The following ANK3 variants were observed in gnomAD, a reference collection of about 807,000 sequenced individuals.
ANK3 encodes ankyrin-3.
In ANK3, 57 loss-of-function variants were observed where a neutral mutation model predicts 370.9. The ratio of observed to expected loss-of-function variants is 0.15; its 90% CI spans 0.12 to 0.19. The LOEUF (loss-of-function observed/expected upper bound fraction) is 0.19. ANK3 is among the 10% of genes least tolerant of loss of function. The pLI is 1.00. For synonymous variants in ANK3, 1,929 were observed against 1,946.3 expected (o/e 0.99, Z 0.23); for missense variants, 4,439 against 5,302.1 (o/e 0.84, Z 5.06).
chr10:60,299,955 G>C (rs920662970), intron 1 of ANK3, among the ~76,000 whole-genome samples: 1 of 152,092 alleles, frequency 6.6e-6, no homozygotes, highest in Non-Finnish European at 1.5e-5. Context: ...AAAGCTGTTG[G>C]ATTTCTCTTG....
At chr10:60,582,411 CTCTT>C (rs1440887831) in intron 2 of ANK3, among the ~76,000 whole-genome samples, 2 of 152,082 alleles carry the variant, frequency 1.3e-5, no homozygotes, top group Non-Finnish European at 2.9e-5. Flanking sequence ...CTTCCTTCCT[CTCTT>C]TCTGTCTGAA....
At chr10:60,339,869 C>T (rs1405446103) in intron 1 of ANK3, among the ~76,000 whole-genome samples, 2 of 152,178 alleles carry the variant, frequency 1.3e-5, no homozygotes, top group African/African-American at 4.8e-5. Context: ...TCTCTGCCAA[C>T]AAATATGACT....
At chr10:60,625,998 A>C (rs2078405102) in intron 1 of ANK3, among the ~76,000 whole-genome samples, 1 of 152,222 alleles carries the variant, frequency 6.6e-6, no homozygotes, top group Non-Finnish European at 1.5e-5. Flanking sequence ...AAGGGTTCTT[A>C]TATTTCTTTA....
intron 7 of ANK3, among the ~76,000 whole-genome samples, chr10:60,245,011 T>G (rs562951799): frequency 6.6e-6 from 1 of 152,010 alleles, no homozygotes; most frequent in Admixed American, 6.5e-5. Flanking sequence ...CTACTAAAAA[T>G]ACAAAAAATT....
chr10:60,438,478 G>A (rs1265938410), intron 2 of ANK3, among the ~76,000 whole-genome samples: 1 of 152,130 alleles, frequency 6.6e-6, no homozygotes, highest in East Asian at 1.9e-4. Flanking sequence ...CCACATCCCA[G>A]CATCCAGTAC....
At chr10:60,299,938 G>C (rs1173581106) in intron 1 of ANK3, among the ~76,000 whole-genome samples, 2 of 152,120 alleles carry the variant, frequency 1.3e-5, no homozygotes, top group Non-Finnish European at 2.9e-5. Context: ...AGAAAAAGCT[G>C]AATTTTAAAG....
intron 7 of ANK3, among the ~76,000 whole-genome samples, chr10:60,260,054 T>C (rs2097782192): frequency 6.6e-6 from 1 of 152,210 alleles, no homozygotes; most frequent in African/African-American, 2.4e-5. Flanking sequence ...GACAACAGGA[T>C]AGGAAATAGC....
chr10:60,627,822 T>C (rs2078432217), intron 1 of ANK3, among the ~76,000 whole-genome samples: 1 of 152,136 alleles, frequency 6.6e-6, no homozygotes, highest in Non-Finnish European at 1.5e-5. Context: ...TTTAAATACA[T>C]TTAATCCTCA....
rs549773569 is a variant in ANK3 at position 60,427,050 on chromosome 10, T to C, written c.97-147411A>G. On this transcript the variant is annotated intron_variant, in intron 2 of 43. Transcript: ENST00000373827. ...ATTCTATGCCACCAGGCTGGCAAAA[T>C]TGCAAGTGATAAAGAAGGTGTTATC... Among the ~76,000 whole-genome samples the C allele has an allele frequency of 9.9e-5, 15 of 152,204 alleles. No homozygotes were observed. In the South Asian group the frequency reaches 3.1e-3, roughly 32 times the overall value.
At chr10:60,051,438 T>C in intron 42 of ANK3, 5 of 926,496 alleles carry the variant, frequency 5.4e-6, no homozygotes, top group Non-Finnish European at 6.4e-6. Flanking sequence ...TTTCTAATAG[T>C]AGAGCAATGC....
At position 60,303,865 on chromosome 10, in the gene ANK3, G is replaced by T. The variant is rs557387621; in HGVS notation, c.115-24226C>A. On this transcript the variant is annotated intron_variant, in intron 1 of 43. Transcript: ENST00000280772. ...TTGTCTGTTGACTAATGAATAAAAT[G>T]TGGTGTATATATGTGTGTGTGTGTG... is the stretch of plus-strand genomic sequence containing the variant. Among the ~76,000 whole-genome samples the T allele has an allele frequency of 2.0e-5, 3 of 147,258 alleles. No homozygotes were observed. In the Admixed American group the frequency reaches 2.0e-4, roughly 10 times the overall value.
intron 1 of ANK3, among the ~76,000 whole-genome samples, chr10:60,353,137 C>T (rs944013210): frequency 4.6e-5 from 7 of 151,118 alleles, no homozygotes; most frequent in African/African-American, 1.7e-4. Flanking sequence ...TGCACCATCA[C>T]ACCTGGCTAA....
chr10:60,413,690 T>C (rs553896984), intron 2 of ANK3, among the ~76,000 whole-genome samples: 3 of 152,298 alleles, frequency 2.0e-5, no homozygotes, highest in East Asian at 1.9e-4. Flanking sequence ...GAGTATTTAA[T>C]TGATATTTCA....
intron 18 of ANK3, among the ~76,000 whole-genome samples, chr10:60,177,821 C>T (rs1014086912): frequency 2.0e-5 from 3 of 151,982 alleles, no homozygotes; most frequent in Admixed American, 1.3e-4. Context: ...AGGATGGTCT[C>T]GATCTCTTGA....
At chr10:60,098,157 A>G (rs191833996) in intron 28 of ANK3, among the ~76,000 whole-genome samples, 8 of 152,298 alleles carry the variant, frequency 5.3e-5, no homozygotes, top group Non-Finnish European at 1.0e-4. Context: ...ACAAAAAAAA[A>G]TGACAGAAAA....
intron 1 of ANK3, among the ~76,000 whole-genome samples, chr10:60,333,670 G>A (rs958429496): frequency 1.3e-5 from 2 of 152,136 alleles, no homozygotes; most frequent in Non-Finnish European, 1.5e-5. Context: ...CCAGTAATGG[G>A]ATTGCTGGGT....
chr10:60,114,520 ATGTAT>A (rs2092947700), intron 25 of ANK3, among the ~76,000 whole-genome samples, 189 bp from the exon 26 acceptor site: 1 of 152,202 alleles, frequency 6.6e-6, no homozygotes, highest in African/African-American at 2.4e-5. Flanking sequence ...AAGTCTATTG[ATGTAT>A]TGTTTTATTT....
intron 2 of ANK3, among the ~76,000 whole-genome samples, chr10:60,602,235 C>A (rs1595340596): frequency 6.6e-6 from 1 of 152,088 alleles, no homozygotes; most frequent in East Asian, 1.9e-4. Flanking sequence ...ATGTGTTGGG[C>A]ATTTCTCCTG....
intron 1 of ANK3, among the ~76,000 whole-genome samples, chr10:60,304,308 TATTA>T (rs2044487075): frequency 1.3e-5 from 2 of 152,004 alleles, no homozygotes; most frequent in Admixed American, 1.3e-4. Flanking sequence ...AGGTGACAGA[TATTA>T]ATTAGCTTGA....
Sources: allele counts gnomAD v4.1 joint callset (sites outside exome capture counted in the v4.1 genomes callset), GRCh38; gene constraint gnomAD v4.1.1; transcripts MANE v1.5; gene names NCBI Gene and HGNC (gene_info 2026-07-23, HGNC 2026-07-21).